HS6ST2: variants seen among roughly 807,000 people sequenced by gnomAD.
HS6ST2 encodes the protein heparan sulfate 6-O-sulfotransferase 2, also known as heparan-sulfate 6-O-sulfotransferase 2.
A neutral mutation model predicts 33.0 loss-of-function variants in HS6ST2; 17 were observed. The ratio of observed to expected loss-of-function variants is 0.52; its 90% confidence interval spans 0.35 to 0.77. HS6ST2 has a LOEUF of 0.77. HS6ST2 is among the 30% of genes least tolerant of loss of function. The pLI is 0.01. For missense variants in HS6ST2, 519 were observed against 551.7 expected, an observed-to-expected ratio of 0.94 and a Z score of 0.59; for synonymous variants, 248 against 237.1, an observed-to-expected ratio of 1.05 and a Z score of -0.42.
rs10700617 is a variant in HS6ST2, at chrX:132,839,078, CA to C, written c.947+117729del. ...TATGGAAAACAGTATGAAGATTCCTCAAAAAAAAAAAAAAATAGAACCACCA... is the reference window on the plus strand; with the variant it reads ...TATGGAAAACAGTATGAAGATTCCTCAAAAAAAAAAAAAATAGAACCACCA... On this transcript the variant is annotated intron_variant, in intron 2 of 4. Transcript: ENST00000370833. 4.9e-4 allele frequency among the ~76,000 whole-genome samples: 40 copies of C among 80,925 alleles called. 1 individual carries two copies. The highest frequency in any genetic ancestry group is 0.013 in the Middle Eastern group (2 of 152). 70.3% of individuals were successfully genotyped at this position (80,925 alleles called of 115,157 possible). A position where few individuals can be genotyped will look rare whatever the true frequency, so the allele number is the denominator to read the frequency against.
intron 2 of HS6ST2, among the ~76,000 whole-genome samples, chrX:132,860,373 C>A (rs2065899353): frequency 8.9e-6 from 1 of 112,407 alleles, no homozygotes; most frequent in Admixed American, 9.4e-5. Context: ...TACCAGATGG[C>A]CTCTCCTTTC....
rs139341503 is a variant in HS6ST2 at position 132,734,468 on chromosome X, A to T, written c.948-25974T>A. Among the ~76,000 whole-genome samples, 158 of 111,870 alleles carry T rather than the reference A, an allele frequency of 1.4e-3. 1 individual carries two copies. Among genetic ancestry groups the T allele is most frequent in the African/African-American group, 4.3e-3 (133 of 30,828 alleles). On this transcript the variant is annotated intron_variant, in intron 2 of 4. Transcript: ENST00000370833. ...AGACAAGATAGCATTTTAAAATGGG[A>T]GGTGAAATAAAGTGGTCAGAGTTGG...
chrX:132,741,726 G>A (rs2064582507), intron 2 of HS6ST2, among the ~76,000 whole-genome samples: 1 of 111,297 alleles, frequency 9.0e-6, no homozygotes, highest in Non-Finnish European at 1.9e-5. Context: ...CTACCTCACT[G>A]CGTATAAGAG....
intron 2 of HS6ST2, among the ~76,000 whole-genome samples, chrX:132,756,781 C>T (rs2064759297): frequency 9.2e-6 from 1 of 109,177 alleles, no homozygotes; most frequent in African/African-American, 3.3e-5. Context: ...TCAAGTGGCT[C>T]TCTCTCACAC....
chrX:132,634,430 A>T (rs1006625111), intron 4 of HS6ST2, among the ~76,000 whole-genome samples: 11 of 112,271 alleles, frequency 9.8e-5, no homozygotes, highest in African/African-American at 3.6e-4. Context: ...AATTAAAATG[A>T]CAAGGTGTCA....
In HS6ST2 at chrX:132,641,460, T is replaced by C. The variant is rs980581227; in HGVS notation, c.1068-12367A>G. On this transcript the variant is annotated intron_variant, in intron 4 of 4. Coordinates refer to ENST00000370833, the MANE Select transcript of HS6ST2 (RefSeq NM_001394073.1). ...CCACACCCAGCAATATTTGGTTTTC[T>C]GTTCCTGCATTAATTCGCTTACGTT... 1.4e-4 allele frequency among the ~76,000 whole-genome samples: 16 copies of C among 112,796 alleles called. No homozygotes were observed. The Admixed American group carries it at 1.5e-3, about 11-fold the overall frequency.
At chrX:132,811,685 A>AATTAT (rs1556452318) in intron 2 of HS6ST2, among the ~76,000 whole-genome samples, 1 of 29,814 alleles carries the variant, frequency 3.4e-5, no homozygotes, top group Non-Finnish European at 5.4e-5. Flanking sequence ...AAGGCTGAAT[A>AATTAT]ATATATATAT....
chrX:132,891,844 A>G (rs2066316694), intron 2 of HS6ST2, among the ~76,000 whole-genome samples: 1 of 111,604 alleles, frequency 9.0e-6, no homozygotes. Flanking sequence ...CACAACAAAC[A>G]TATGTGTGCA....
rs1342768450 is a variant in HS6ST2, at chrX:132,958,376, G to C, written c.227C>G (p.Ser76Cys). 6 of 1,199,754 alleles carry C rather than the reference G, an allele frequency of 5.0e-6. No homozygotes were observed. Among genetic ancestry groups the C allele is most frequent in the Non-Finnish European group, 5.6e-6 (5 of 893,268 alleles). Residue 76 changes from serine to cysteine, a missense_variant, in exon 1 of 5, where the codon TCT (serine) becomes TGT (cysteine). Transcript: ENST00000370833. ...PLLDKPRKAS[S>C]SLAGAACAPL... ...GGCGCACGCGGCTCCCGCCAGGGAA[G>C]AAGACGCCTTTCGGGGCTTGTCCAG...
intron 2 of HS6ST2, among the ~76,000 whole-genome samples, chrX:132,918,332 CTG>C (rs751564151): frequency 8.9e-6 from 1 of 112,399 alleles, no homozygotes; most frequent in Non-Finnish European, 1.9e-5. Flanking sequence ...GTTTCCCAAA[CTG>C]TCCCTTCTGG....
chrX:132,947,502 G>A (rs1169007296), intron 2 of HS6ST2, among the ~76,000 whole-genome samples: 2 of 111,258 alleles, frequency 1.8e-5, no homozygotes, highest in Non-Finnish European at 3.8e-5. Flanking sequence ...AAACTGAACT[G>A]TTAATCATTA....
At chrX:132,683,001 C>A (rs2148220729) in intron 3 of HS6ST2, among the ~76,000 whole-genome samples, 1 of 110,417 alleles carries the variant, frequency 9.1e-6, no homozygotes, top group East Asian at 2.9e-4. Context: ...GTAGGCCCAG[C>A]TACTCCAGAG....
chrX:132,641,490 G>A (rs990174220), intron 4 of HS6ST2, among the ~76,000 whole-genome samples: 7 of 112,455 alleles, frequency 6.2e-5, no homozygotes, highest in Non-Finnish European at 1.1e-4. Context: ...TACGTTTATC[G>A]CCTCCAGGTG....
At chrX:132,652,558 C>A (rs1020956615) in intron 4 of HS6ST2, among the ~76,000 whole-genome samples, 4 of 111,609 alleles carry the variant, frequency 3.6e-5, no homozygotes, top group African/African-American at 1.3e-4. Flanking sequence ...ATGCTCCACA[C>A]CTTGAGGTGA....
chrX:132,834,045 C>T (rs2065618281), intron 2 of HS6ST2, among the ~76,000 whole-genome samples: 1 of 110,747 alleles, frequency 9.0e-6, no homozygotes, highest in Non-Finnish European at 1.9e-5. Context: ...TGTAACCTGC[C>T]CAAGGTCACA....
At chrX:132,805,924 A>G (rs1377333060) in intron 2 of HS6ST2, among the ~76,000 whole-genome samples, 3 of 110,488 alleles carry the variant, frequency 2.7e-5, no homozygotes, top group Non-Finnish European at 3.8e-5. Context: ...TTGTATCTAC[A>G]TCGGCAAGGA....
intron 4 of HS6ST2, among the ~76,000 whole-genome samples, chrX:132,658,671 T>C (rs992640598): frequency 8.9e-6 from 1 of 112,375 alleles, no homozygotes; most frequent in Non-Finnish European, 1.9e-5. Flanking sequence ...TTCCAGTCTG[T>C]AAGATGTAGA....
At chrX:132,722,187 C>CAAAAA (rs1217492848) in intron 2 of HS6ST2, among the ~76,000 whole-genome samples, 17 of 44,271 alleles carry the variant, frequency 3.8e-4, no homozygotes, top group Admixed American at 9.9e-4. Context: ...GACTCCGTCT[C>CAAAAA]AAAAAAAAAA....
chrX:132,802,476 C>T (rs1199626459), intron 2 of HS6ST2, among the ~76,000 whole-genome samples: 1 of 111,539 alleles, frequency 9.0e-6, no homozygotes, highest in Non-Finnish European at 1.9e-5. Context: ...ATGAAGGGGA[C>T]ACTGTAAAGT....
Sources: allele counts gnomAD v4.1 joint callset (sites outside exome capture counted in the v4.1 genomes callset), GRCh38; gene constraint gnomAD v4.1.1; transcripts MANE v1.5; gene names NCBI Gene and HGNC (gene_info 2026-07-23, HGNC 2026-07-21).